The following NEGR1 variants were observed in gnomAD, a reference collection of about 807,000 sequenced individuals.
NEGR1 encodes the protein IgLON family member 4.
A neutral mutation model predicts 40.9 loss-of-function variants in NEGR1; 10 were observed. The observed-to-expected ratio is 0.24, with a 90% CI of 0.15 to 0.42. The LOEUF (loss-of-function observed/expected upper bound fraction) is 0.42. Ranked by LOEUF, NEGR1 falls within the 10% of genes least tolerant of loss-of-function variation. NEGR1 has a pLI of 1.00. For synonymous variants in NEGR1, 185 were observed against 166.8 expected (o/e 1.11, Z -0.84); for missense variants, 352 against 438.9 (o/e 0.80, Z 1.77).
At chr1:72,027,909 G>T (rs986708603) in intron 1 of NEGR1, among the ~76,000 whole-genome samples, 1 of 152,170 alleles carries the variant, frequency 6.6e-6, no homozygotes, top group Non-Finnish European at 1.5e-5. Context: ...AGGATCCCCA[G>T]GTGATCTGTA....
At chr1:71,742,496 A>G (rs1382682790) in intron 3 of NEGR1, among the ~76,000 whole-genome samples, 1 of 152,166 alleles carries the variant, frequency 6.6e-6, no homozygotes, top group Non-Finnish European at 1.5e-5. Context: ...AAAGCAGGCT[A>G]TTCTTAAGCC....
chr1:71,476,686 C>T (rs990586891), intron 6 of NEGR1, among the ~76,000 whole-genome samples: 35 of 152,156 alleles, frequency 2.3e-4, no homozygotes, highest in African/African-American at 6.3e-4. Context: ...CACTGAGGTT[C>T]GGGAGAGCTT....
intron 6 of NEGR1, among the ~76,000 whole-genome samples, chr1:71,580,605 C>T (rs1010663425): frequency 6.6e-6 from 1 of 151,952 alleles, no homozygotes; most frequent in African/African-American, 2.4e-5. Flanking sequence ...ATCATTCCTA[C>T]ATCAAAATAA....
intron 6 of NEGR1, among the ~76,000 whole-genome samples, chr1:71,435,451 A>C (rs1471545927): frequency 6.6e-6 from 1 of 152,170 alleles, no homozygotes; most frequent in Non-Finnish European, 1.5e-5. Context: ...ACAAATTCTC[A>C]GGTGCTGTTA....
intron 1 of NEGR1, among the ~76,000 whole-genome samples, chr1:72,182,814 A>ATG (rs781215604): frequency 3.4e-4 from 45 of 132,730 alleles, no homozygotes; most frequent in Admixed American, 1.4e-3. Context: ...GTATGTGTAT[A>ATG]TGTGTGTGTG....
intron 4 of NEGR1, among the ~76,000 whole-genome samples, chr1:71,671,881 TTC>T (rs1207885644): frequency 4.9e-5 from 7 of 142,966 alleles, no homozygotes; most frequent in Non-Finnish European, 7.6e-5. Context: ...TTTATTTCTG[TTC>T]TCTCTCTCTC....
chr1:71,845,590 G>C (rs976039796), intron 2 of NEGR1, among the ~76,000 whole-genome samples: 1 of 152,038 alleles, frequency 6.6e-6, no homozygotes, highest in Non-Finnish European at 1.5e-5. Context: ...TTAACATTCA[G>C]CCAATTTTCA....
At chr1:72,160,740 A>C (rs1005721953) in intron 1 of NEGR1, among the ~76,000 whole-genome samples, 1 of 152,154 alleles carries the variant, frequency 6.6e-6, no homozygotes, top group African/African-American at 2.4e-5. Flanking sequence ...AGAATGCTAA[A>C]AATTACTACT....
intron 4 of NEGR1, among the ~76,000 whole-genome samples, chr1:71,614,736 T>TCCGGAACATTGCCTGAAAA (rs1413254106): frequency 6.6e-6 from 1 of 152,134 alleles, no homozygotes; most frequent in African/African-American, 2.4e-5. Flanking sequence ...AAGCATGAAA[T>TCCGGAACATTGCCTGAAAA]CCGGAACATT....
intron 4 of NEGR1, among the ~76,000 whole-genome samples, chr1:71,637,322 G>A (rs1038849309): frequency 6.6e-6 from 1 of 151,908 alleles, no homozygotes; most frequent in Non-Finnish European, 1.5e-5. Flanking sequence ...GAATAAAACA[G>A]ATTCATCTCC....
chr1:72,281,025 A>G (rs1423082816), intron 1 of NEGR1, among the ~76,000 whole-genome samples: 2 of 152,178 alleles, frequency 1.3e-5, no homozygotes, highest in Admixed American at 6.5e-5. Context: ...TCATCCATTT[A>G]TATTTTCATA....
intron 6 of NEGR1, among the ~76,000 whole-genome samples, chr1:71,505,778 A>G (rs925767673): frequency 1.3e-5 from 2 of 152,180 alleles, no homozygotes; most frequent in Admixed American, 6.5e-5. Context: ...GGAAGCCCCA[A>G]ACTCATTTGG....
intron 1 of NEGR1, among the ~76,000 whole-genome samples, chr1:71,957,467 T>A (rs1389187136): frequency 6.6e-6 from 1 of 152,138 alleles, no homozygotes; most frequent in Non-Finnish European, 1.5e-5. Flanking sequence ...GGTATTTTTA[T>A]GGATAAATAA....
chr1:71,615,142 T>C (rs921758469), intron 4 of NEGR1, among the ~76,000 whole-genome samples: 3 of 152,186 alleles, frequency 2.0e-5, no homozygotes, highest in Non-Finnish European at 4.4e-5. Context: ...TTGATTTTAC[T>C]TGGAGACATA....
At chr1:71,528,954 C>CT (rs557344392) in intron 6 of NEGR1, among the ~76,000 whole-genome samples, 99 of 151,208 alleles carry the variant, frequency 6.5e-4, no homozygotes, top group African/African-American at 2.1e-3. Flanking sequence ...TCTACATTGA[C>CT]TTTTTTTGGT....
intron 1 of NEGR1, among the ~76,000 whole-genome samples, chr1:71,955,558 A>G (rs978822866): frequency 6.6e-6 from 1 of 152,158 alleles, no homozygotes; most frequent in Non-Finnish European, 1.5e-5. Flanking sequence ...CATTTCTTAT[A>G]TAACCTTCAA....
intron 6 of NEGR1, among the ~76,000 whole-genome samples, chr1:71,497,492 G>C (rs1012526359): frequency 2.6e-5 from 4 of 151,706 alleles, no homozygotes; most frequent in Admixed American, 6.6e-5. Flanking sequence ...TTTGAAACAG[G>C]GTTATTGATC....
chr1:72,010,004 G>A (rs1646642266), intron 1 of NEGR1, among the ~76,000 whole-genome samples: 1 of 152,030 alleles, frequency 6.6e-6, no homozygotes, highest in African/African-American at 2.4e-5. Context: ...AAACATACAT[G>A]GAAGAAATGA....
In NEGR1 at chr1:71,806,330, T is replaced by C. The variant is rs1657769914; in HGVS notation, c.410-30033A>G. Among the ~76,000 whole-genome samples the C allele has an allele frequency of 2.6e-5, 4 of 152,220 alleles. No homozygotes were observed. In the South Asian group the frequency reaches 8.3e-4, roughly 32 times the overall value. ...TCTTAAAGTTCTGTCTTTCATACTG[T>C]AGTTGGAATCCCTATGATTTAGGGC... On this transcript the variant is annotated intron_variant, in intron 2 of 6. Transcript: ENST00000357731.
Sources: gnomAD v4.1 joint callset for allele counts (sites outside exome capture counted in the v4.1 genomes callset) on GRCh38, gnomAD v4.1.1 for gene constraint, MANE v1.5 for transcripts, NCBI Gene and HGNC (gene_info 2026-07-23, HGNC 2026-07-21) for gene names.